CUX2: variants seen among roughly 807,000 people sequenced by gnomAD.
CUX2 encodes homeobox protein cut-like 2.
A neutral mutation model predicts 144.8 loss-of-function variants in CUX2; 40 were observed. That is an observed-to-expected ratio of 0.28 (90% CI 0.21 to 0.36). CUX2 has a LOEUF of 0.36. Ranked by LOEUF, CUX2 falls within the 10% of genes least tolerant of loss-of-function variation. The pLI is 1.00. For missense variants in CUX2, 1,615 were observed against 1,994.0 expected (o/e 0.81, Z 3.62); for synonymous variants, 827 against 875.6 (o/e 0.94, Z 0.98).
chr12:111,133,139 G>C (rs1875612105), intron 1 of CUX2, among the ~76,000 whole-genome samples: 1 of 152,110 alleles, frequency 6.6e-6, no homozygotes, highest in East Asian at 1.9e-4. Context: ...TTTTGTCAAA[G>C]CCATTCAACA....
intron 1 of CUX2, among the ~76,000 whole-genome samples, chr12:111,173,785 C>T (rs1372705879): frequency 6.6e-6 from 1 of 152,194 alleles, no homozygotes; most frequent in Non-Finnish European, 1.5e-5. Flanking sequence ...TCGCCAGGCT[C>T]TACCCTCAGA....
chr12:111,184,791 C>T (rs542727299), intron 1 of CUX2, among the ~76,000 whole-genome samples: 4 of 151,370 alleles, frequency 2.6e-5, no homozygotes, highest in Non-Finnish European at 5.9e-5. Flanking sequence ...CGGCTGGGTG[C>T]GTTGGCTCAT....
In CUX2 at chr12:111,090,732, A is replaced by G. The variant is rs75741764; in HGVS notation, c.63+56492A>G. 7.1e-3 allele frequency among the ~76,000 whole-genome samples: 1,086 copies of G among 152,126 alleles called. 14 individuals are homozygous for G. Among genetic ancestry groups the G allele is most frequent in the African/African-American group, 0.022 (923 of 41,486 alleles). On this transcript the variant is annotated intron_variant, in intron 1 of 21. Transcript: ENST00000261726. ...CCCAAACCTCACCAAGAGGCCCCTC[A>G]TGTTAGAGATACAAGCTCCATCATT...
At chr12:111,114,738 T>C (rs945499695) in intron 1 of CUX2, among the ~76,000 whole-genome samples, 4 of 152,246 alleles carry the variant, frequency 2.6e-5, no homozygotes, top group Non-Finnish European at 5.9e-5. Context: ...AAGAAATCTT[T>C]GCTTAGCTCC....
intron 1 of CUX2, among the ~76,000 whole-genome samples, chr12:111,074,731 T>C (rs974307830): frequency 2.0e-5 from 3 of 151,964 alleles, no homozygotes; most frequent in Non-Finnish European, 4.4e-5. Context: ...GGAAGGCCTG[T>C]CATGAGGAAA....
chr12:111,257,795 C>G (rs1883916990), intron 3 of CUX2, among the ~76,000 whole-genome samples: 2 of 151,524 alleles, frequency 1.3e-5, no homozygotes, highest in South Asian at 4.2e-4. Context: ...TCCTCCTCTT[C>G]CTGTCTTTTT....
Position 111,160,046 on chromosome 12 carries a change from AC to A in CUX2, c.64-54153del, listed in dbSNP as rs1259683484. On this transcript the variant is annotated intron_variant, in intron 1 of 21. Transcript: ENST00000261726. The surrounding 1 kb of genome is among the most constrained non-coding windows in gnomAD (Gnocchi z 4.1). ...TTAAAAACAAAACAAAACAACAACT[AC>A]AAAAAAAGCAAAAGGAGTTAGGGGA... Among the ~76,000 whole-genome samples the A allele has an allele frequency of 6.6e-6, 1 of 152,120 alleles. No individual in the cohort carries two copies. The highest frequency in any genetic ancestry group is 1.5e-5 in the Non-Finnish European group (1 of 68,004).
intron 1 of CUX2, among the ~76,000 whole-genome samples, chr12:111,202,628 A>G (rs1255845196): frequency 6.6e-6 from 1 of 152,170 alleles, no homozygotes; most frequent in Non-Finnish European, 1.5e-5. Flanking sequence ...GCATCGGGAC[A>G]CAGCAGTGAC....
In CUX2 at chr12:111,320,131, C is replaced by G; in HGVS notation, c.2122C>G (p.Gln708Glu). The G allele has an allele frequency of 1.3e-6, 2 of 1,555,048 alleles. No homozygotes were observed. The highest frequency in any genetic ancestry group is 1.7e-6 in the Non-Finnish European group (2 of 1,153,764). Residue 708 changes from glutamine to glutamate, a missense_variant, in exon 17 of 22, where the codon CAG (glutamine) becomes GAG (glutamate). Coordinates refer to ENST00000261726, the MANE Select transcript of CUX2 (RefSeq NM_015267.4). The surrounding 1 kb of genome is among the most constrained non-coding windows in gnomAD (Gnocchi z 8.1). Reference sequence around the variant, plus strand: ...GGCACGCCGTGAGATGCAGGCGCAACAGCAGGCGCTGCTGGAGATGGAGGT... The same window carrying G: ...GGCACGCCGTGAGATGCAGGCGCAAGAGCAGGCGCTGCTGGAGATGGAGGT... ...EQARREMQAQ[Q>E]QALLEMEVAP...
At chr12:111,223,404 A>G (rs967253734) in intron 3 of CUX2, among the ~76,000 whole-genome samples, 6 of 152,104 alleles carry the variant, frequency 3.9e-5, no homozygotes, top group Non-Finnish European at 7.4e-5. Flanking sequence ...TCTCCATCCC[A>G]TGCACATCTG....
At position 111,171,169 on chromosome 12, in the gene CUX2, G is replaced by A. The variant is rs1005090358; in HGVS notation, c.64-43031G>A. Among the ~76,000 whole-genome samples, 2 of 152,220 alleles carry A rather than the reference G, an allele frequency of 1.3e-5. No individual in the cohort carries two copies. The highest frequency in any genetic ancestry group is 1.3e-4 in the Admixed American group (2 of 15,300). On this transcript the variant is annotated intron_variant, in intron 1 of 21. Transcript: ENST00000261726. This position sits in a 1 kb window ranked among gnomAD's most constrained non-coding sequence, Gnocchi z 5.0. ...GATTCCACTTGGGGGTGACAGAGAT[G>A]GAGAAGTTGGGCAACCCCCAGTCTG...
chr12:111,318,231 T>C (rs1887293145), intron 16 of CUX2, among the ~76,000 whole-genome samples: 1 of 127,436 alleles, frequency 7.8e-6, no homozygotes, highest in African/African-American at 3.9e-5. Flanking sequence ...CTGGCTAATT[T>C]TTTTTTCTTT....
In CUX2 at chr12:111,039,608, G is replaced by A. The variant is rs538156456; in HGVS notation, c.63+5368G>A. On this transcript the variant is annotated intron_variant, in intron 1 of 21. Transcript: ENST00000261726. This position sits in a 1 kb window ranked among gnomAD's most constrained non-coding sequence, Gnocchi z 4.2. ...GCCACCCAGGCTGGAGTGCAGTGGT[G>A]CAATCTCAGCTCACTGCAACCTCCG... Among the ~76,000 whole-genome samples, 8 of 152,262 alleles carry A rather than the reference G, an allele frequency of 5.3e-5. No homozygotes were observed. The highest frequency in any genetic ancestry group is 4.4e-5 in the Non-Finnish European group (3 of 68,024).
At chr12:111,104,369 T>C (rs1199563374) in intron 1 of CUX2, among the ~76,000 whole-genome samples, 1 of 152,214 alleles carries the variant, frequency 6.6e-6, no homozygotes, top group African/African-American at 2.4e-5. Context: ...GGATGGCTCA[T>C]GGGAGGTTTG....
chr12:111,049,781 A>T (rs992823748), intron 1 of CUX2, among the ~76,000 whole-genome samples: 1 of 152,344 alleles, frequency 6.6e-6, no homozygotes, highest in Middle Eastern at 3.4e-3. Context: ...CCTGTAGCAG[A>T]TTGGAGCCCA....
chr12:111,147,702 G>A (rs1592939729), intron 1 of CUX2, among the ~76,000 whole-genome samples: 1 of 152,230 alleles, frequency 6.6e-6, no homozygotes. Context: ...CACCTGCAAG[G>A]CTGTCACAAG....
intron 1 of CUX2, among the ~76,000 whole-genome samples, chr12:111,167,147 C>A (rs1161751959): frequency 1.3e-5 from 2 of 152,168 alleles, no homozygotes; most frequent in Non-Finnish European, 2.9e-5. Flanking sequence ...CTCTTGCTAT[C>A]CCTTGGCCTC....
intron 3 of CUX2, among the ~76,000 whole-genome samples, chr12:111,248,996 G>A (rs1280715761): frequency 1.3e-5 from 2 of 152,158 alleles, no homozygotes; most frequent in African/African-American, 4.8e-5. Flanking sequence ...AACACTGGAG[G>A]GTCCAAGAAA....
intron 19 of CUX2, 36 bp downstream of exon 19, chr12:111,334,746 C>T: frequency 6.4e-7 from 1 of 1,552,660 alleles, no homozygotes; most frequent in Non-Finnish European, 8.7e-7. Flanking sequence ...GGCTGCCTCC[C>T]ACCTGGGTTG....
Sources: gnomAD v4.1 joint callset for allele counts (sites outside exome capture counted in the v4.1 genomes callset) on GRCh38, gnomAD v4.1.1 for gene constraint, Gnocchi (gnomAD v3.1) non-coding constraint, MANE v1.5 for transcripts, NCBI Gene and HGNC (gene_info 2026-07-23, HGNC 2026-07-21) for gene names.